ZNF195: variants seen among roughly 807,000 people sequenced by gnomAD.
ZNF195 encodes the protein zinc finger protein 195.
ZNF195 carries 11 observed loss-of-function variants against 19.5 expected under a neutral mutation model. The observed-to-expected ratio is 0.57, with a 90% confidence interval of 0.36 to 0.94. The LOEUF is 0.94. Ranked by LOEUF, ZNF195 falls within the 40% of genes least tolerant of loss-of-function variation. The pLI is 0.01. For synonymous variants in ZNF195, 214 were observed against 248.1 expected, an observed-to-expected ratio of 0.86 and a Z score of 1.29; for missense variants, 582 against 709.0, an observed-to-expected ratio of 0.82 and a Z score of 2.03.
At chr11:3,373,500 T>C (rs1849313191) in intron 1 of ZNF195, 2 of 1,177,052 alleles carry the variant, frequency 1.7e-6, no homozygotes, top group Admixed American at 4.0e-5. Context: ...AGTAGAGAAG[T>C]AAAGGTTTCC....
chr11:3,371,100 C>CT (rs1849186572), intron 2 of ZNF195, 30 bp from the exon 3 acceptor site: 1 of 1,604,328 alleles, frequency 6.2e-7, no homozygotes, highest in African/African-American at 1.3e-5. Flanking sequence ...TGACATTACT[C>CT]TTGCTGAAAT....
Position 3,359,568 on chromosome 11 carries a change from G to T in ZNF195, c.1440C>A (p.Ser480Arg). The T allele has an allele frequency of 1.9e-6, 3 of 1,614,108 alleles. No homozygotes were observed. Among genetic ancestry groups the T allele is most frequent in the Non-Finnish European group, 2.5e-6 (3 of 1,180,004 alleles). Residue 480 changes from serine (S) to arginine (R), a missense_variant, in exon 6 of 6, where the codon AGC (serine) becomes AGA (arginine). This residue lies in a region of ZNF195 where 407 missense variants were observed against 530.5 expected (regional missense o/e 0.77). Transcript: ENST00000399602. This position sits in a 1 kb window ranked among gnomAD's most constrained non-coding sequence, Gnocchi z 5.5. ...AATGAGTTCTCTTATGGTTAGAAAG[G>T]CTTGAGCAAGTTCTGAAGACCTTCC... ...ECGKVFRTCS[S>R]LSNHKRTHSE...
intron 1 of ZNF195, chr11:3,373,780 G>C (rs1849327354): frequency 1.4e-5 from 10 of 690,810 alleles, no homozygotes; most frequent in Admixed American, 5.7e-5. Flanking sequence ...CTTTATAAAA[G>C]AGATTCAGGA....
At chr11:3,362,678 G>A in intron 3 of ZNF195, 1 of 432,616 alleles carries the variant, frequency 2.3e-6, no homozygotes, top group Non-Finnish European at 4.2e-6. Context: ...AAAGGAAAGA[G>A]AGAAAGAAAA....
Position 3,370,959 on chromosome 11 carries a change from G to C in ZNF195, c.226+16C>G. 1 of 1,613,368 alleles carries C rather than the reference G, an allele frequency of 6.2e-7. No individual in the cohort carries two copies. Among genetic ancestry groups the C allele is most frequent in the Non-Finnish European group, 8.5e-7 (1 of 1,179,452 alleles). Reference sequence around the variant, plus strand: ...ACCTCTCACCTGGGTTACCTGCTTCGTTCATTCCCACCCACCTGGATGTCC... The same window carrying C: ...ACCTCTCACCTGGGTTACCTGCTTCCTTCATTCCCACCCACCTGGATGTCC... On this transcript the variant is annotated intron_variant, in intron 3 of 5. Transcript: ENST00000399602.
intron 3 of ZNF195, among the ~76,000 whole-genome samples, chr11:3,369,773 G>A (rs1215804955): frequency 6.6e-6 from 1 of 152,220 alleles, no homozygotes; most frequent in East Asian, 1.9e-4. Context: ...CAAACTTTCA[G>A]TTGTAAGATG....
intron 3 of ZNF195, among the ~76,000 whole-genome samples, chr11:3,363,661 GCAA>G (rs1848734202): frequency 6.6e-6 from 1 of 152,126 alleles, no homozygotes; most frequent in South Asian, 2.1e-4. Flanking sequence ...AGAAATAAAA[GCAA>G]CAACCTAAAA....
chr11:3,360,378 A>G lies in ZNF195; in HGVS notation c.630T>C (p.Thr210=). Residue 210 remains threonine (T), a synonymous_variant, in exon 6 of 6, where the codon ACT becomes ACC. Transcript: ENST00000399602. The part of the protein sequence containing the change: ...DYNGLNQCSS[T]THSKIFQYNK... ...TATATTGAAAGATTTTGCTATGGGT[A>G]GTTGATGAACATTGGTTAAGTCCAT... 6.2e-7 allele frequency: 1 copy of G among 1,608,206 alleles called. No individual in the cohort carries two copies. The highest frequency in any genetic ancestry group is 8.5e-7 in the Non-Finnish European group (1 of 1,176,898).
chr11:3,373,976 C>G (rs369502449), intron 1 of ZNF195, among the ~76,000 whole-genome samples: 3 of 152,324 alleles, frequency 2.0e-5, no homozygotes, highest in African/African-American at 7.2e-5. Context: ...GAGCTCAACT[C>G]GTACAAATGC....
intron 4 of ZNF195, among the ~76,000 whole-genome samples, chr11:3,361,094 C>A (rs1247150166): frequency 2.0e-5 from 3 of 152,128 alleles, no homozygotes; most frequent in Non-Finnish European, 4.4e-5. Context: ...AGCAGCAGCA[C>A]CAGGCGACAA....
At chr11:3,371,800 T>C in intron 1 of ZNF195, 97 bp from the exon 2 acceptor site, 1 of 1,357,816 alleles carries the variant, frequency 7.4e-7, no homozygotes, top group Non-Finnish European at 1.0e-6. Flanking sequence ...ACTGAAATTA[T>C]ACAATAAGGT....
intron 3 of ZNF195, among the ~76,000 whole-genome samples, chr11:3,370,360 T>C (rs796678624): frequency 1.3e-5 from 2 of 152,304 alleles, no homozygotes; most frequent in African/African-American, 4.8e-5. Flanking sequence ...AAAGTTTAAA[T>C]GACCAACCTC....
At chr11:3,369,690 C>A (rs1849092861) in intron 3 of ZNF195, among the ~76,000 whole-genome samples, 1 of 152,216 alleles carries the variant, frequency 6.6e-6, no homozygotes, top group Non-Finnish European at 1.5e-5. Context: ...CGTGGCTGAA[C>A]TCACAGGAGC....
At position 3,360,157 on chromosome 11, in the gene ZNF195, C is replaced by T; in HGVS notation, c.851G>A (p.Cys284Tyr). The T allele has an allele frequency of 3.1e-6, 5 of 1,613,874 alleles. No individual in the cohort carries two copies. The highest frequency in any genetic ancestry group is 4.2e-6 in the Non-Finnish European group (5 of 1,179,884). Residue 284 changes from cysteine (C) to tyrosine (Y), a missense_variant, in exon 6 of 6, where the codon TGC (cysteine) becomes TAC (tyrosine). Around this residue, in one of 3 missense-constraint regions of ZNF195, gnomAD observed 407 missense variants for 530.5 expected, o/e 0.77. Transcript: ENST00000399602. Reference sequence around the variant, plus strand: ...GTTCTCAGGTTCAGTAAAGTGTGAGCACTGGATAAAGGTTTTGCCACATTC... The same window carrying T: ...GTTCTCAGGTTCAGTAAAGTGTGAGTACTGGATAAAGGTTTTGCCACATTC... ...CGECGKTFIQ[C>Y]SHFTEPENID... is the part of the protein sequence containing the mutation.
chr11:3,359,917 A>G lies in ZNF195; in HGVS notation c.1091T>C (p.Ile364Thr). The G allele has an allele frequency of 1.2e-6, 2 of 1,614,218 alleles. No homozygotes were observed. The highest frequency in any genetic ancestry group is 1.7e-6 in the Non-Finnish European group (2 of 1,180,044). Residue 364 changes from isoleucine to threonine, a missense_variant, in exon 6 of 6, where the codon ATC (isoleucine) becomes ACC (threonine). This residue lies in a region of ZNF195 where 407 missense variants were observed against 530.5 expected (regional missense o/e 0.77). Transcript: ENST00000399602. This position sits in a 1 kb window ranked among gnomAD's most constrained non-coding sequence, Gnocchi z 5.5. Reference sequence around the variant, plus strand: ...TTGATTAGAAAGGCTTGAGCAAGAGATAAAGACACTGCTGCACTCTTCATA... The same window carrying G: ...TTGATTAGAAAGGCTTGAGCAAGAGGTAAAGACACTGCTGCACTCTTCATA... ...CKYEECSSVF[I>T]SCSSLSNQQM...
At chr11:3,377,655 C>T (rs1849530676) in intron 1 of ZNF195, 1 of 1,249,076 alleles carries the variant, frequency 8.0e-7, no homozygotes, top group Non-Finnish European at 1.0e-6. Flanking sequence ...TTTCTCTCAG[C>T]CCAGGGCATC....
intron 1 of ZNF195, among the ~76,000 whole-genome samples, chr11:3,376,887 C>T (rs4758579): frequency 0.91 from 138,711 of 152,278 alleles, 63,258 homozygotes; most frequent in East Asian, 0.99. Flanking sequence ...TGAATCTATG[C>T]AATTTACCAA....
chr11:3,377,515 T>C (rs964605713), intron 1 of ZNF195: 8 of 954,940 alleles, frequency 8.4e-6, no homozygotes, highest in Non-Finnish European at 1.0e-5. Flanking sequence ...GATTTCGGTC[T>C]TTTCCCTCTG....
intron 1 of ZNF195, 135 bp downstream of exon 1, chr11:3,378,903 C>T (rs2301569): frequency 0.062 from 70,567 of 1,138,236 alleles, 2,263 homozygotes; most frequent in South Asian, 0.084. Flanking sequence ...GGCCCGGCCG[C>T]CATGGTGCAG....
Sources: allele counts gnomAD v4.1 joint callset (sites outside exome capture counted in the v4.1 genomes callset), GRCh38; gene constraint gnomAD v4.1.1; regional missense constraint gnomAD v4.1.1; non-coding constraint Gnocchi (gnomAD v3.1); transcripts MANE v1.5; gene names NCBI Gene and HGNC (gene_info 2026-07-23, HGNC 2026-07-21).